The following MAL2 variants were observed in gnomAD, a reference collection of about 807,000 sequenced individuals.
The protein encoded by MAL2 is protein MAL2.
MAL2 carries 17 observed loss-of-function variants against 18.1 expected under a neutral mutation model. That is an observed-to-expected ratio of 0.94 (90% CI 0.64 to 1.41). The LOEUF is 1.41. MAL2 is among the 40% of genes most tolerant of loss of function. MAL2 has a pLI of 0.00. For missense variants in MAL2, 222 were observed against 231.9 expected (o/e 0.96, Z 0.28); for synonymous variants, 102 against 102.3 (o/e 1.00, Z 0.02).
At chr8:119,230,082 G>C (rs1304870370) in intron 2 of MAL2, among the ~76,000 whole-genome samples, 2 of 152,138 alleles carry the variant, frequency 1.3e-5, no homozygotes, top group Non-Finnish European at 1.5e-5. Flanking sequence ...CTGGCCACTG[G>C]TGTCAAGTGT....
Position 119,208,800 on chromosome 8 carries a change from C to G in MAL2, c.132+196C>G. 4.8e-6 allele frequency: 4 copies of G among 836,466 alleles called. No individual in the cohort carries two copies. Among genetic ancestry groups the G allele is most frequent in the Non-Finnish European group, 6.3e-6 (4 of 634,666 alleles). The allele number at this position is 836,466 out of a possible 1,614,324, so 51.8% of individuals were successfully genotyped here. On this transcript the variant is annotated intron_variant, in intron 1 of 3. Coordinates refer to ENST00000614891, the MANE Select transcript of MAL2 (RefSeq NM_052886.3). This position sits in a 1 kb window ranked among gnomAD's most constrained non-coding sequence, Gnocchi z 4.3. ...GCCCTCCCTCCTAGCACCTGTTACG[C>G]GGGCACCTGCTCCCCCGCGGGCGAC...
intron 1 of MAL2, among the ~76,000 whole-genome samples, chr8:119,218,274 TGAG>T (rs1048214035): frequency 7.2e-5 from 11 of 152,222 alleles, no homozygotes; most frequent in African/African-American, 2.6e-4. Context: ...ACCCCACAAG[TGAG>T]GAGGTGAATC....
intron 3 of MAL2, among the ~76,000 whole-genome samples, chr8:119,241,450 G>C (rs1333815419): frequency 7.1e-6 from 1 of 140,966 alleles, no homozygotes; most frequent in Non-Finnish European, 1.5e-5. Context: ...GGAGGTTGCA[G>C]TGAGCAGAGC....
rs1354432030 is a variant in MAL2, at chr8:119,208,397, G to GGCGGCGGCA, written c.-74_-66dup. The GGCGGCGGCA allele has an allele frequency of 1.2e-6, 1 of 854,466 alleles. No homozygotes were observed. Among genetic ancestry groups the GGCGGCGGCA allele is most frequent in the Non-Finnish European group, 1.4e-6 (1 of 701,818 alleles). 52.9% of individuals were successfully genotyped at this position (854,466 alleles called of 1,614,324 possible). On this transcript the variant is annotated 5_prime_UTR_variant, in exon 1 of 4. Coordinates refer to ENST00000614891, the MANE Select transcript of MAL2 (RefSeq NM_052886.3). This position sits in a 1 kb window ranked among gnomAD's most constrained non-coding sequence, Gnocchi z 4.3. Reference sequence around the variant, plus strand: ...GCCCGCGGAGCTGAGCGGCGGCGGCGGCGGCGGCAGGAGCCCGGGAGGCGG... The same window carrying GGCGGCGGCA: ...GCCCGCGGAGCTGAGCGGCGGCGGCGGCGGCGGCAGCGGCGGCAGGAGCCCGGGAGGCGG...
intron 1 of MAL2, 177 bp from the exon 2 acceptor site, chr8:119,221,410 G>GAGGAAAGA: frequency 1.5e-6 from 1 of 678,610 alleles, no homozygotes; most frequent in Non-Finnish European, 2.5e-6. Context: ...TCTTGCACCT[G>GAGGAAAGA]AGGAAAGAAG....
chr8:119,223,013 C>G (rs984656263), intron 2 of MAL2, among the ~76,000 whole-genome samples: 1 of 152,086 alleles, frequency 6.6e-6, no homozygotes, highest in African/African-American at 2.4e-5. Context: ...GGAAGAACCC[C>G]CATTAGGTTA....
intron 2 of MAL2, among the ~76,000 whole-genome samples, chr8:119,234,465 A>G (rs1218910581): frequency 6.6e-6 from 1 of 152,238 alleles, no homozygotes; most frequent in East Asian, 1.9e-4. Context: ...CCACAGCTCA[A>G]GAAGGCCTGC....
Position 119,240,320 on chromosome 8 carries a change from A to T in MAL2, c.459A>T (p.Ser153=). Residue 153 remains serine (S), a splice_region_variant and synonymous_variant, in exon 3 of 4, where the codon TCA becomes TCT. Coordinates refer to ENST00000614891, the MANE Select transcript of MAL2 (RefSeq NM_052886.3). ...AGTATAACATAAACGTAGCAGCCTC[A>T]GTAAGTATTCATATTCAATGAGTAC... ...DNQYNINVAA[S]IFAFMTTACY... 1 of 1,613,350 alleles carries T rather than the reference A, an allele frequency of 6.2e-7. No homozygotes were observed. Among genetic ancestry groups the T allele is most frequent in the Non-Finnish European group, 8.5e-7 (1 of 1,179,570 alleles).
chr8:119,216,299 G>A (rs1447181440), intron 1 of MAL2, among the ~76,000 whole-genome samples: 8 of 152,034 alleles, frequency 5.3e-5, no homozygotes, highest in Admixed American at 5.2e-4. Context: ...ACCATGAGAG[G>A]GGCAGAATAG....
At chr8:119,233,570 A>G (rs1817788311) in intron 2 of MAL2, among the ~76,000 whole-genome samples, 4 of 152,206 alleles carry the variant, frequency 2.6e-5, no homozygotes, top group African/African-American at 7.2e-5. Context: ...AAACTAGAAA[A>G]TCTAGAAGAA....
chr8:119,234,796 A>G (rs974744223), intron 2 of MAL2, among the ~76,000 whole-genome samples: 1 of 151,578 alleles, frequency 6.6e-6, no homozygotes, highest in African/African-American at 2.4e-5. Flanking sequence ...ATCCACACCG[A>G]AAACCCATCT....
At chr8:119,221,839 A>G in intron 2 of MAL2, 82 bp downstream of exon 2, 1 of 1,437,828 alleles carries the variant, frequency 7.0e-7, no homozygotes, top group African/African-American at 1.4e-5. Flanking sequence ...CCAGAGTCCC[A>G]GTTCTGTTGC....
rs571895046 is a variant in MAL2 at position 119,235,230 on chromosome 8, C to A, written c.304-4935C>A. ...ATCAGCAATAGAAGATGAAATGAAG[C>A]GAGAAGGGAAGTTTAGAGAAAAAAG... On this transcript the variant is annotated intron_variant, in intron 2 of 3. Transcript: ENST00000614891. Among the ~76,000 whole-genome samples the A allele has an allele frequency of 2.0e-5, 3 of 151,574 alleles. No homozygotes were observed. In the South Asian group the frequency reaches 6.3e-4, roughly 32 times the overall value.
intron 1 of MAL2, among the ~76,000 whole-genome samples, chr8:119,217,907 A>C (rs73709676): frequency 0.074 from 11,248 of 152,254 alleles, 1,203 homozygotes; most frequent in African/African-American, 0.24. Flanking sequence ...AGCATTGGTC[A>C]TCTCAATTTT....
At chr8:119,242,043 G>C (rs1047047961) in intron 3 of MAL2, among the ~76,000 whole-genome samples, 2 of 152,110 alleles carry the variant, frequency 1.3e-5, no homozygotes, top group African/African-American at 4.8e-5. Flanking sequence ...TATGCTATTA[G>C]TCATCAATTC....
At chr8:119,240,405 AG>A in intron 3 of MAL2, 85 bp downstream of exon 3, 1 of 1,393,966 alleles carries the variant, frequency 7.2e-7, no homozygotes, top group Non-Finnish European at 9.8e-7. Context: ...AGGCAACAAT[AG>A]TTTTCTTCAA....
chr8:119,224,686 C>T (rs1278005536), intron 2 of MAL2, among the ~76,000 whole-genome samples: 1 of 152,100 alleles, frequency 6.6e-6, no homozygotes, highest in Non-Finnish European at 1.5e-5. Context: ...TTTTATCCCT[C>T]CTTCTCCTCT....
chr8:119,239,619 A>G (rs1818001734), intron 2 of MAL2, among the ~76,000 whole-genome samples: 1 of 151,814 alleles, frequency 6.6e-6, no homozygotes, highest in African/African-American at 2.4e-5. Flanking sequence ...TGGCCTTTGT[A>G]GGGACATGGA....
intron 2 of MAL2, among the ~76,000 whole-genome samples, chr8:119,232,079 G>A (rs913040246): frequency 6.6e-6 from 1 of 150,468 alleles, no homozygotes; most frequent in African/African-American, 2.5e-5. Context: ...ACAAAAAAAA[G>A]ATAATTTTGG....
Sources: allele counts gnomAD v4.1 joint callset (sites outside exome capture counted in the v4.1 genomes callset), GRCh38; gene constraint gnomAD v4.1.1; non-coding constraint Gnocchi (gnomAD v3.1); transcripts MANE v1.5; gene names NCBI Gene and HGNC (gene_info 2026-07-23, HGNC 2026-07-21).